The following DNAJC25 variants were observed in gnomAD, a reference collection of about 807,000 sequenced individuals.
DNAJC25 encodes the protein DnaJ heat shock protein family (Hsp40) member C25, also known as dnaJ homolog subfamily C member 25.
A neutral mutation model predicts 42.1 loss-of-function variants in DNAJC25; 26 were observed. That is an observed-to-expected ratio of 0.62 (90% confidence interval 0.45 to 0.86). The LOEUF is 0.86. DNAJC25 is among the 40% of genes least tolerant of loss of function. The probability of loss-of-function intolerance (pLI) is 0.00; values close to 1 mark genes in which losing one functional copy is unlikely to be tolerated. For missense variants in DNAJC25, 404 were observed against 459.4 expected (o/e 0.88, Z 1.10); for synonymous variants, 189 against 179.9 (o/e 1.05, Z -0.40).
At chr9:111,632,764 A>G (rs77520133) in intron 1 of DNAJC25, among the ~76,000 whole-genome samples, 3,482 of 150,606 alleles carry the variant, frequency 0.023, 206 homozygotes, top group East Asian at 0.11. Flanking sequence ...CTTTGAGTGG[A>G]TATAATTTTA....
At chr9:111,652,113 T>C (rs1830669802) in intron 3 of DNAJC25, among the ~76,000 whole-genome samples, 1 of 152,202 alleles carries the variant, frequency 6.6e-6, no homozygotes, top group Non-Finnish European at 1.5e-5. Flanking sequence ...TCTTTAATAT[T>C]AGACATTAGT....
chr9:111,652,167 A>G (rs993012059), intron 3 of DNAJC25, among the ~76,000 whole-genome samples: 2 of 152,148 alleles, frequency 1.3e-5, no homozygotes, highest in Non-Finnish European at 2.9e-5. Context: ...GTCAATTTTC[A>G]TTGAGGAAAA....
In DNAJC25 at chr9:111,645,324, G is replaced by A. The variant is rs147561436; in HGVS notation, c.337-1783G>A. Among the ~76,000 whole-genome samples the A allele has an allele frequency of 8.5e-3, 1,279 of 151,038 alleles. 13 individuals carry two copies. Among genetic ancestry groups the A allele is most frequent in the African/African-American group, 0.029 (1,195 of 41,020 alleles). On this transcript the variant is annotated intron_variant, in intron 1 of 3. Transcript: ENST00000313525. ...GGCTGGAGTGCAGTGGTACAGTCTC[G>A]GCTCACTGCAACCTCCACCTCCCAG...
chr9:111,649,279 C>T (rs531926347), intron 2 of DNAJC25, among the ~76,000 whole-genome samples, 174 bp from the exon 3 acceptor site: 1 of 152,164 alleles, frequency 6.6e-6, no homozygotes, highest in South Asian at 2.1e-4. Context: ...ATCCTGTGTA[C>T]GCATGGGCTT....
At position 111,650,312 on chromosome 9, in the gene DNAJC25, AAAC is replaced by A. The variant is rs201475272; in HGVS notation, c.960+394_960+396del. Among the ~76,000 whole-genome samples the A allele has an allele frequency of 5.8e-4, 81 of 140,142 alleles. 1 individual carries two copies. Among genetic ancestry groups the A allele is most frequent in the Admixed American group, 1.7e-3 (23 of 13,232 alleles). 91.9% of individuals were successfully genotyped at this position (140,142 alleles called of 152,430 possible). A position where few individuals can be genotyped will look rare whatever the true frequency, so the allele number is the denominator to read the frequency against. On this transcript the variant is annotated intron_variant, in intron 3 of 3. Transcript: ENST00000313525. The stretch of plus-strand genomic sequence containing the variant: ...GCCACAGAGACTTAAAAAAAAAAAA[AAAC>A]AACAGAGTAAGACGTGGAAATTTTG...
intron 1 of DNAJC25, among the ~76,000 whole-genome samples, chr9:111,634,815 T>A (rs1830340635): frequency 6.6e-6 from 1 of 151,806 alleles, no homozygotes; most frequent in Non-Finnish European, 1.5e-5. Context: ...TGACATTTGA[T>A]CATCACTATT....
intron 2 of DNAJC25, among the ~76,000 whole-genome samples, chr9:111,648,264 G>T (rs1374242848): frequency 6.9e-6 from 1 of 145,894 alleles, no homozygotes; most frequent in Non-Finnish European, 1.5e-5. Context: ...AAACGATTCA[G>T]TTTTTTTTTT....
intron 1 of DNAJC25, among the ~76,000 whole-genome samples, chr9:111,641,636 G>C (rs1830469285): frequency 7.6e-6 from 1 of 131,090 alleles, no homozygotes; most frequent in African/African-American, 3.3e-5. Context: ...GGGGGGGTCA[G>C]CCCCCCGCCC....
chr9:111,643,623 A>C (rs1290399619), intron 1 of DNAJC25, among the ~76,000 whole-genome samples: 1 of 152,092 alleles, frequency 6.6e-6, no homozygotes, highest in Non-Finnish European at 1.5e-5. Flanking sequence ...TGGGTAAAAG[A>C]GGGGAAACTG....
rs147564732 is a variant in DNAJC25, at chr9:111,642,626, T to A, written c.337-4481T>A. On this transcript the variant is annotated intron_variant, in intron 1 of 3. Coordinates refer to ENST00000313525, the MANE Select transcript of DNAJC25 (RefSeq NM_001015882.3). ...ATCAATAAATAAATAAATAAATAAA[T>A]AAATAAATAAATAAATAAAAAATAA... Among the ~76,000 whole-genome samples the A allele has an allele frequency of 7.6e-3, 1,156 of 151,156 alleles. 15 individuals are homozygous for A. The highest frequency in any genetic ancestry group is 0.026 in the African/African-American group (1,085 of 41,186).
chr9:111,650,386 G>A (rs542445448), intron 3 of DNAJC25, among the ~76,000 whole-genome samples: 8 of 151,350 alleles, frequency 5.3e-5, no homozygotes, highest in East Asian at 3.9e-4. Flanking sequence ...GATATTCTGC[G>A]TAATAACTGA....
chr9:111,640,852 C>G (rs1214790919), intron 1 of DNAJC25, among the ~76,000 whole-genome samples: 1 of 123,928 alleles, frequency 8.1e-6, no homozygotes, highest in Non-Finnish European at 1.6e-5. Flanking sequence ...GCCAGCCCCC[C>G]GCCCGGCCAG....
Position 111,653,097 on chromosome 9 carries a change from C to T in DNAJC25, c.961-3C>T. ...GAAGTCATCTAGTTATTTATACTTA[C>T]AGGTCTACAAGCAAGAACAAGAGGA... is the stretch of plus-strand genomic sequence containing the variant. On this transcript the variant is annotated splice_polypyrimidine_tract_variant and splice_region_variant and intron_variant, in intron 3 of 3. Transcript: ENST00000313525. 2 of 1,588,840 alleles carry T rather than the reference C, an allele frequency of 1.3e-6. No individual in the cohort carries two copies. Among genetic ancestry groups the T allele is most frequent in the Non-Finnish European group, 8.6e-7 (1 of 1,166,462 alleles).
chr9:111,639,096 A>G (rs954778744), intron 1 of DNAJC25, among the ~76,000 whole-genome samples: 1 of 151,894 alleles, frequency 6.6e-6, no homozygotes, highest in Non-Finnish European at 1.5e-5. Flanking sequence ...TGTGAATCCC[A>G]TTGCTAGTGT....
chr9:111,653,498 T>G lies in DNAJC25; in HGVS notation c.*276T>G, dbSNP rs1830696686. 1 of 233,594 alleles carries G rather than the reference T, an allele frequency of 4.3e-6. No individual in the cohort carries two copies. The highest frequency in any genetic ancestry group is 1.7e-4 in the South Asian group (1 of 5,790). 14.5% of individuals were successfully genotyped at this position (233,594 alleles called of 1,614,324 possible). A position where few individuals can be genotyped will look rare whatever the true frequency, so the allele number is the denominator to read the frequency against. On this transcript the variant is annotated 3_prime_UTR_variant, in exon 4 of 4. Transcript: ENST00000313525. ...CCATTTAAAATTTTTATATGTTTAG[T>G]TAAAAGATTTGACATGAAAATTTAT...
chr9:111,640,028 A>T (rs921015875), intron 1 of DNAJC25, among the ~76,000 whole-genome samples: 1 of 149,844 alleles, frequency 6.7e-6, no homozygotes, highest in Non-Finnish European at 1.5e-5. Flanking sequence ...GCTCACTGCA[A>T]CCTCCCTGCC....
At position 111,631,445 on chromosome 9, in the gene DNAJC25, G is replaced by A. The variant is rs1429786258; in HGVS notation, c.38G>A (p.Gly13Glu). 7.7e-7 allele frequency: 1 copy of A among 1,301,116 alleles called. No homozygotes were observed. The highest frequency in any genetic ancestry group is 3.1e-5 in the East Asian group (1 of 31,942). The allele number at this position is 1,301,116 out of a possible 1,614,324, so 80.6% of individuals were successfully genotyped here. ...CTGCTCTCTCCCGGCTGGGGAGCCG[G>A]GGCTGCCGGCCGGCGCTGGTGGATG... ...APLLSPGWGA[G>E]AAGRRWWMLL... Residue 13 changes from glycine to glutamate, a missense_variant, in exon 1 of 4, where the codon GGG becomes GAG. Coordinates refer to ENST00000313525, the MANE Select transcript of DNAJC25 (RefSeq NM_001015882.3).
At chr9:111,633,944 C>T (rs988896497) in intron 1 of DNAJC25, among the ~76,000 whole-genome samples, 1 of 152,126 alleles carries the variant, frequency 6.6e-6, no homozygotes, top group African/African-American at 2.4e-5. Flanking sequence ...AACACTTGTA[C>T]TCTTGACTCT....
intron 1 of DNAJC25, among the ~76,000 whole-genome samples, chr9:111,641,611 G>C (rs1189024495): frequency 9.5e-6 from 1 of 105,002 alleles, no homozygotes; most frequent in Non-Finnish European, 1.9e-5. Context: ...CAGCCGCCCC[G>C]TCCGGGAGGG....
Sources: gnomAD v4.1 joint callset for allele counts (sites outside exome capture counted in the v4.1 genomes callset) on GRCh38, gnomAD v4.1.1 for gene constraint, MANE v1.5 for transcripts, NCBI Gene and HGNC (gene_info 2026-07-23, HGNC 2026-07-21) for gene names.